Variants in FOXP2 observed in about 807,000 individuals in gnomAD.
The protein encoded by FOXP2 is forkhead box P2, also known as forkhead box protein P2.
FOXP2 carries 12 observed loss-of-function variants against 115.8 expected under a neutral mutation model. That is an observed-to-expected ratio of 0.10 (90% CI 0.07 to 0.17). The LOEUF is 0.17. Ranked by LOEUF, FOXP2 falls within the 10% of genes least tolerant of loss-of-function variation. The pLI, the probability that FOXP2 is intolerant of heterozygous loss-of-function variation, is 1.00. For synonymous variants in FOXP2, 328 were observed against 297.7 expected (o/e 1.10, Z -1.05); for missense variants, 629 against 843.5 (o/e 0.75, Z 3.15).
chr7:114,271,639 T>C (rs1237378803), intron 1 of FOXP2, among the ~76,000 whole-genome samples: 1 of 120,928 alleles, frequency 8.3e-6, no homozygotes, highest in Non-Finnish European at 1.6e-5. Context: ...TTAATATAAT[T>C]ATTAATTATT....
chr7:114,151,053 G>A (rs1792515092), intron 1 of FOXP2, among the ~76,000 whole-genome samples: 2 of 151,858 alleles, frequency 1.3e-5, no homozygotes, highest in South Asian at 4.2e-4. Flanking sequence ...GTTAGAAATG[G>A]CCACCGAATA....
At chr7:114,355,628 G>GC (rs1791601450) in intron 2 of FOXP2, among the ~76,000 whole-genome samples, 1 of 151,918 alleles carries the variant, frequency 6.6e-6, no homozygotes, top group Non-Finnish European at 1.5e-5. Context: ...CTTATCTGTA[G>GC]CAAGTCATTT....
intron 6 of FOXP2, among the ~76,000 whole-genome samples, chr7:114,631,946 T>C (rs1403714156): frequency 6.6e-6 from 1 of 152,222 alleles, no homozygotes; most frequent in Non-Finnish European, 1.5e-5. Context: ...GTGTATTTAT[T>C]AGTCTTATGG....
chr7:114,418,175 A>G (rs1053806744), intron 1 of FOXP2, among the ~76,000 whole-genome samples: 2 of 152,012 alleles, frequency 1.3e-5, no homozygotes, highest in Non-Finnish European at 2.9e-5. Flanking sequence ...CTTCTGACCA[A>G]TTTCTCCTGT....
intron 1 of FOXP2, among the ~76,000 whole-genome samples, chr7:114,223,286 C>T (rs916763244): frequency 4.0e-5 from 6 of 151,848 alleles, no homozygotes; most frequent in Admixed American, 1.3e-4. Context: ...CCTTTTGTTT[C>T]CCTCAGTCTA....
intron 2 of FOXP2, among the ~76,000 whole-genome samples, chr7:114,408,935 C>T (rs2129198230): frequency 6.6e-6 from 1 of 152,100 alleles, no homozygotes; most frequent in African/African-American, 2.4e-5. Flanking sequence ...TTATCAGTAA[C>T]CCTTCCTATC....
At chr7:114,396,017 C>T (rs1355610743) in intron 2 of FOXP2, among the ~76,000 whole-genome samples, 1 of 151,770 alleles carries the variant, frequency 6.6e-6, no homozygotes, top group African/African-American at 2.4e-5. Context: ...ATAAACAATC[C>T]AATTATATTC....
At position 114,662,126 on chromosome 7, in the gene FOXP2, G is replaced by T. The variant is rs1183578823; in HGVS notation, c.1709G>T (p.Gly570Val). 6.2e-7 allele frequency: 1 copy of T among 1,612,912 alleles called. No homozygotes were observed. Among genetic ancestry groups the T allele is most frequent in the Non-Finnish European group, 8.5e-7 (1 of 1,179,198 alleles). ...TTTGTTCGAGTAGAAAATGTTAAAG[G>T]AGCAGTATGGACTGTGGATGAAGTA... is the stretch of plus-strand genomic sequence containing the variant. ...KCFVRVENVK[G>V]AVWTVDEVEY... is the part of the protein sequence containing the mutation. The change falls in exon 14 of 17, where the codon GGA (glycine) becomes GTA (valine). Residue 570 changes from glycine to valine, a missense_variant. By Grantham distance (109) the Gly-to-Val change is moderately radical. Around this residue, in one of 9 missense-constraint regions of FOXP2, gnomAD observed 40 missense variants for 75.3 expected, o/e 0.53. Transcript: ENST00000350908.
At position 114,689,766 on chromosome 7, in the gene FOXP2, T is replaced by C; in HGVS notation, c.2004-16T>C. 1 of 1,612,924 alleles carries C rather than the reference T, an allele frequency of 6.2e-7. No homozygotes were observed. Among genetic ancestry groups the C allele is most frequent in the Non-Finnish European group, 8.5e-7 (1 of 1,179,282 alleles). On this transcript the variant is annotated splice_polypyrimidine_tract_variant and intron_variant, in intron 16 of 16. Coordinates refer to ENST00000350908, the MANE Select transcript of FOXP2 (RefSeq NM_014491.4). The stretch of plus-strand genomic sequence containing the variant: ...GCTTACTTAGTAAAATTTTGGTGTA[T>C]CTACATGTTTTTCAGACATTCAATC...
At chr7:114,652,615 G>T (rs1331726874) in intron 9 of FOXP2, among the ~76,000 whole-genome samples, 2 of 152,070 alleles carry the variant, frequency 1.3e-5, no homozygotes, top group Non-Finnish European at 2.9e-5. Context: ...TTTTATTACA[G>T]AGAGAGTTTT....
At chr7:114,124,213 C>CAT (rs1176961185) in intron 1 of FOXP2, among the ~76,000 whole-genome samples, 3 of 152,050 alleles carry the variant, frequency 2.0e-5, no homozygotes, top group African/African-American at 7.2e-5. Flanking sequence ...AACCACATAA[C>CAT]ACAGTTTGTC....
At chr7:114,641,118 A>C (rs944572687) in intron 6 of FOXP2, among the ~76,000 whole-genome samples, 1 of 152,204 alleles carries the variant, frequency 6.6e-6, no homozygotes, top group Non-Finnish European at 1.5e-5. Context: ...TACCACGTAG[A>C]AGCTGTGTGA....
At chr7:114,565,969 A>G (rs955472397) in intron 3 of FOXP2, among the ~76,000 whole-genome samples, 3 of 152,122 alleles carry the variant, frequency 2.0e-5, no homozygotes, top group Non-Finnish European at 2.9e-5. Flanking sequence ...TGACCTAGGC[A>G]ATTTAAAATT....
chr7:114,300,517 T>C (rs927737139), intron 2 of FOXP2, among the ~76,000 whole-genome samples: 7 of 151,926 alleles, frequency 4.6e-5, no homozygotes, highest in Non-Finnish European at 2.9e-5. Context: ...ATTTTTTTCC[T>C]GAAACAAGAA....
At chr7:114,555,194 T>A (rs903452829) in intron 3 of FOXP2, among the ~76,000 whole-genome samples, 6 of 152,222 alleles carry the variant, frequency 3.9e-5, no homozygotes, top group Non-Finnish European at 7.3e-5. Context: ...TGTATTTATT[T>A]ATGCTCTTTC....
chr7:114,297,480 GC>G, intron 2 of FOXP2: 1 of 349,854 alleles, frequency 2.9e-6, no homozygotes, highest in Non-Finnish European at 5.4e-6. Context: ...TGCATTTTTT[GC>G]CTCTAAGTGC....
intron 1 of FOXP2, among the ~76,000 whole-genome samples, chr7:114,103,080 A>G (rs543968794): frequency 2.0e-5 from 3 of 152,184 alleles, no homozygotes; most frequent in Non-Finnish European, 4.4e-5. Context: ...ACATAATTTT[A>G]CCAGAGTTCA....
chr7:114,687,312 T>C (rs1470843460), intron 16 of FOXP2, among the ~76,000 whole-genome samples: 2 of 152,164 alleles, frequency 1.3e-5, no homozygotes, highest in African/African-American at 2.4e-5. Flanking sequence ...AATGACGTTA[T>C]TTGCATCCCC....
intron 3 of FOXP2, among the ~76,000 whole-genome samples, chr7:114,605,847 T>C (rs574761673): frequency 1.3e-5 from 2 of 152,242 alleles, no homozygotes; most frequent in South Asian, 4.1e-4. Context: ...TTCTTTAGGA[T>C]TGAGAGAGCT....
Sources: gnomAD v4.1 joint callset for allele counts (sites outside exome capture counted in the v4.1 genomes callset) on GRCh38, gnomAD v4.1.1 for gene constraint, gnomAD v4.1.1 regional missense constraint, MANE v1.5 for transcripts, NCBI Gene and HGNC (gene_info 2026-07-23, HGNC 2026-07-21) for gene names.